UTP18: variants seen among roughly 807,000 people sequenced by gnomAD.
The protein encoded by UTP18 is UTP18 small subunit processome component, also known as U3 small nucleolar RNA-associated protein 18 homolog.
A neutral mutation model predicts 61.1 loss-of-function variants in UTP18; 36 were observed. The observed-to-expected ratio is 0.59, with a 90% CI of 0.45 to 0.78. The LOEUF (loss-of-function observed/expected upper bound fraction) is 0.78. Ranked by LOEUF, UTP18 falls within the 30% of genes least tolerant of loss-of-function variation. UTP18 has a pLI of 0.00. For synonymous variants in UTP18, 282 were observed against 251.1 expected (o/e 1.12, Z -1.16); for missense variants, 753 against 693.9 (o/e 1.09, Z -0.96).
Position 51,284,147 on chromosome 17 carries a change from C to T in UTP18, c.1205-1098C>T, listed in dbSNP as rs189794586. On this transcript the variant is annotated intron_variant, in intron 9 of 13. Transcript: ENST00000225298. Reference sequence around the variant, plus strand: ...GTGTTTTACTACTGCTTAACCTGCACGCTTACTCTAGCCTGGAACATTTTA... The same window carrying T: ...GTGTTTTACTACTGCTTAACCTGCATGCTTACTCTAGCCTGGAACATTTTA... Among the ~76,000 whole-genome samples the T allele has an allele frequency of 4.1e-4, 63 of 152,294 alleles. 1 individual carries two copies. Among genetic ancestry groups the T allele is most frequent in the Non-Finnish European group, 1.3e-4 (9 of 68,020 alleles).
At position 51,279,998 on chromosome 17, in the gene UTP18, A is replaced by G. The variant is rs752435025; in HGVS notation, c.1013-7A>G. On this transcript the variant is annotated splice_region_variant and splice_polypyrimidine_tract_variant and intron_variant, in intron 7 of 13. Coordinates refer to ENST00000225298, the MANE Select transcript of UTP18 (RefSeq NM_016001.3). The stretch of plus-strand genomic sequence containing the variant: ...ACTTTATTTAATTGCTTCATTTCCT[A>G]TTTTAGGTTTGAAAGAGAAGATAGT... 30 of 1,606,370 alleles carry G rather than the reference A, an allele frequency of 1.9e-5. No homozygotes were observed. In the South Asian group the frequency reaches 2.0e-4, roughly 11 times the overall value.
chr17:51,293,265 CT>C (rs1567707671), intron 11 of UTP18, among the ~76,000 whole-genome samples: 2 of 152,072 alleles, frequency 1.3e-5, no homozygotes, highest in Non-Finnish European at 2.9e-5. Context: ...TTTTCTCTTT[CT>C]TCCTTTTCTG....
rs765303641 is a variant in UTP18 at position 51,275,870 on chromosome 17, A to G, written c.716A>G (p.Lys239Arg). 1.9e-6 allele frequency: 3 copies of G among 1,598,138 alleles called. No individual in the cohort carries two copies. The Admixed American group carries it at 5.4e-5, about 29-fold the overall frequency. The change falls in exon 6 of 14, where the codon AAG (lysine) becomes AGG (arginine). Residue 239 changes from lysine to arginine, a missense_variant. Coordinates refer to ENST00000225298, the MANE Select transcript of UTP18 (RefSeq NM_016001.3). Reference sequence around the variant, plus strand: ...CCCAGCTTTCATTTCCTATAGATGAAGAACTGCCAGCATGCGAATGCTGAA... The same window carrying G: ...CCCAGCTTTCATTTCCTATAGATGAGGAACTGCCAGCATGCGAATGCTGAA... ...TSLPRGILKM[K>R]NCQHANAERP...
chr17:51,262,911 T>C (rs2055521758), intron 1 of UTP18, among the ~76,000 whole-genome samples: 2 of 152,208 alleles, frequency 1.3e-5, no homozygotes, highest in African/African-American at 4.8e-5. Flanking sequence ...AATGGAGATA[T>C]CTTTGACTCT....
chr17:51,265,946 A>G (rs1010624905), intron 2 of UTP18, among the ~76,000 whole-genome samples: 1 of 152,226 alleles, frequency 6.6e-6, no homozygotes, highest in African/African-American at 2.4e-5. Flanking sequence ...CAGATAAGTC[A>G]TGATGAATTT....
intron 11 of UTP18, among the ~76,000 whole-genome samples, chr17:51,291,695 A>G (rs1311640784): frequency 6.6e-6 from 1 of 151,838 alleles, no homozygotes; most frequent in Non-Finnish European, 1.5e-5. Flanking sequence ...AGATCGCACC[A>G]CTGTACTCCA....
At chr17:51,282,294 T>C (rs1904957891) in intron 9 of UTP18, among the ~76,000 whole-genome samples, 1 of 152,216 alleles carries the variant, frequency 6.6e-6, no homozygotes, top group Non-Finnish European at 1.5e-5. Flanking sequence ...TTTTTTAACT[T>C]TTAAAAAGGA....
intron 12 of UTP18, chr17:51,296,731 A>T: frequency 2.2e-6 from 1 of 460,204 alleles, no homozygotes; most frequent in Non-Finnish European, 3.8e-6. Flanking sequence ...CAGGTATTTC[A>T]TAGACCCCCC....
At chr17:51,280,868 C>A (rs1014763313) in intron 9 of UTP18, among the ~76,000 whole-genome samples, 2 of 151,006 alleles carry the variant, frequency 1.3e-5, no homozygotes, top group African/African-American at 4.9e-5. Context: ...AAGACTCTGT[C>A]TCAAAAAACA....
At chr17:51,276,431 G>A (rs1322479695) in intron 6 of UTP18, among the ~76,000 whole-genome samples, 1 of 152,174 alleles carries the variant, frequency 6.6e-6, no homozygotes, top group Non-Finnish European at 1.5e-5. Context: ...GAGAAGTGAA[G>A]AATATATTAA....
rs1244398671 is a variant in UTP18 at position 51,265,592 on chromosome 17, C to G, written c.456-590C>G. ...TTTTTTTTTTTTTTTTTGAGACAGT[C>G]TCACTCTTTTGCCCAGGCTGGAGTA... is the stretch of plus-strand genomic sequence containing the variant. On this transcript the variant is annotated intron_variant, in intron 2 of 13. Coordinates refer to ENST00000225298, the MANE Select transcript of UTP18 (RefSeq NM_016001.3). Among the ~76,000 whole-genome samples, 5 of 91,726 alleles carry G rather than the reference C, an allele frequency of 5.5e-5. No homozygotes were observed. The Admixed American group carries it at 8.1e-4, about 15-fold the overall frequency. The allele number at this position is 91,726 out of a possible 152,430, so 60.2% of individuals were successfully genotyped here. A position where few individuals can be genotyped will look rare whatever the true frequency, so the allele number is the denominator to read the frequency against.
chr17:51,261,517 A>G (rs531092911), intron 1 of UTP18, among the ~76,000 whole-genome samples: 2 of 152,276 alleles, frequency 1.3e-5, no homozygotes, highest in South Asian at 4.1e-4. Context: ...TTTAAATTCT[A>G]TACCAGGCTT....
At chr17:51,261,028 G>A (rs2055453850) in intron 1 of UTP18, 102 bp downstream of exon 1, 1 of 1,134,888 alleles carries the variant, frequency 8.8e-7, no homozygotes, top group Non-Finnish European at 1.1e-6. Context: ...CGGCGGCGGG[G>A]AGCGCTCAGG....
At chr17:51,262,025 C>G (rs1336133769) in intron 1 of UTP18, among the ~76,000 whole-genome samples, 1 of 151,822 alleles carries the variant, frequency 6.6e-6, no homozygotes, top group African/African-American at 2.4e-5. Flanking sequence ...ACCACTTGGA[C>G]ATTTCTATCA....
At chr17:51,288,510 T>C (rs1481904521) in intron 11 of UTP18, 4 of 469,610 alleles carry the variant, frequency 8.5e-6, no homozygotes, top group Non-Finnish European at 1.7e-5. Context: ...AGACACTTCA[T>C]TCCTTCACAA....
chr17:51,297,106 T>G, intron 13 of UTP18, 103 bp downstream of exon 13: 2 of 970,246 alleles, frequency 2.1e-6, no homozygotes, highest in Non-Finnish European at 3.1e-6. Flanking sequence ...TCTCTACCCC[T>G]AAGTTACTGC....
intron 12 of UTP18, among the ~76,000 whole-genome samples, chr17:51,294,320 G>C (rs1026559182): frequency 2.0e-5 from 3 of 151,304 alleles, no homozygotes; most frequent in Non-Finnish European, 4.4e-5. Context: ...TTTAGCATTA[G>C]GTATATCTCC....
At chr17:51,274,633 G>T (rs1331737342) in intron 5 of UTP18, among the ~76,000 whole-genome samples, 1 of 151,584 alleles carries the variant, frequency 6.6e-6, no homozygotes, top group African/African-American at 2.4e-5. Context: ...TGTTTTTTTG[G>T]TAGAGACAGG....
chr17:51,270,166 CCTT>C (rs1025223077), intron 4 of UTP18, among the ~76,000 whole-genome samples: 3 of 152,080 alleles, frequency 2.0e-5, no homozygotes, highest in African/African-American at 7.2e-5. Flanking sequence ...TGTTTTTTCC[CCTT>C]CTTCCCTTTT....
Sources: gnomAD v4.1 joint callset for allele counts (sites outside exome capture counted in the v4.1 genomes callset) on GRCh38, gnomAD v4.1.1 for gene constraint, MANE v1.5 for transcripts, NCBI Gene and HGNC (gene_info 2026-07-23, HGNC 2026-07-21) for gene names.